PTPRD: variants seen among roughly 807,000 people sequenced by gnomAD.
PTPRD encodes receptor-type tyrosine-protein phosphatase delta.
Under a neutral mutation model 214.5 loss-of-function variants are expected in PTPRD, and 34 were observed. That is an observed-to-expected ratio of 0.16 (90% CI 0.12 to 0.21). The LOEUF is 0.21. Ranked by LOEUF, PTPRD falls within the 10% of genes least tolerant of loss-of-function variation. The probability of loss-of-function intolerance (pLI) is 1.00; values close to 1 mark genes in which losing one functional copy is unlikely to be tolerated. For missense variants in PTPRD, 2,545 were observed against 2,398.7 expected (o/e 1.06, Z -1.27); for synonymous variants, 1,128 against 845.7 (o/e 1.33, Z -5.79).
chr9:9,477,395 G>A (rs911344806), intron 8 of PTPRD, among the ~76,000 whole-genome samples: 43 of 152,238 alleles, frequency 2.8e-4, no homozygotes, highest in Admixed American at 7.2e-4. Context: ...CCATTTGAAG[G>A]TAAATTGAGG....
rs72708118 is a variant in PTPRD at position 8,950,898 on chromosome 9, G to A, written c.-104+67799C>T. On this transcript the variant is annotated intron_variant, in intron 11 of 45. Coordinates refer to ENST00000381196, the MANE Select transcript of PTPRD (RefSeq NM_002839.4). ...GATTTTATTGCCAGTTTCTGACCACGGCAAATATACTGTGCAAGGCTATTT... is the reference window on the plus strand; with the variant it reads ...GATTTTATTGCCAGTTTCTGACCACAGCAAATATACTGTGCAAGGCTATTT... Among the ~76,000 whole-genome samples, 247 of 151,826 alleles carry A rather than the reference G, an allele frequency of 1.6e-3. 1 individual carries two copies. The highest frequency in any genetic ancestry group is 3.1e-3 in the Non-Finnish European group (210 of 67,908).
chr9:9,958,942 G>C (rs77283751), intron 4 of PTPRD, among the ~76,000 whole-genome samples: 1,668 of 152,254 alleles, frequency 0.011, 31 homozygotes, highest in African/African-American at 0.038. Flanking sequence ...AAAAGGTTTG[G>C]TGGGCTTTTA....
intron 2 of PTPRD, among the ~76,000 whole-genome samples, chr9:10,521,517 G>T (rs2052276179): frequency 6.6e-6 from 1 of 152,154 alleles, no homozygotes; most frequent in Non-Finnish European, 1.5e-5. Context: ...TGAGAGGATT[G>T]TCTCCAATTT....
intron 11 of PTPRD, among the ~76,000 whole-genome samples, chr9:9,006,762 G>C (rs2099471220): frequency 6.6e-6 from 1 of 151,912 alleles, no homozygotes; most frequent in African/African-American, 2.4e-5. Context: ...ATTAATTGGA[G>C]TTCAAATGAC....
intron 3 of PTPRD, among the ~76,000 whole-genome samples, chr9:10,314,353 T>C (rs2096362765): frequency 6.6e-6 from 1 of 151,942 alleles, no homozygotes; most frequent in South Asian, 2.1e-4. Context: ...GTCACTTTTT[T>C]ACAGGTGAAG....
At chr9:9,519,598 C>A (rs1049845240) in intron 8 of PTPRD, among the ~76,000 whole-genome samples, 2 of 151,980 alleles carry the variant, frequency 1.3e-5, no homozygotes, top group Non-Finnish European at 2.9e-5. Context: ...AATAAATCAA[C>A]TCCTAGAACA....
At chr9:9,880,407 G>C (rs1270036292) in intron 5 of PTPRD, among the ~76,000 whole-genome samples, 1 of 152,102 alleles carries the variant, frequency 6.6e-6, no homozygotes, top group Non-Finnish European at 1.5e-5. Flanking sequence ...AAATGTTAAT[G>C]TACTCCTCAG....
intron 5 of PTPRD, among the ~76,000 whole-genome samples, chr9:9,936,037 G>C (rs2089230225): frequency 6.7e-6 from 1 of 149,574 alleles, no homozygotes; most frequent in Non-Finnish European, 1.5e-5. Flanking sequence ...GTAGAAAGCT[G>C]AAACTGGATC....
At chr9:9,151,705 G>A (rs1034214550) in intron 10 of PTPRD, among the ~76,000 whole-genome samples, 1 of 152,154 alleles carries the variant, frequency 6.6e-6, no homozygotes, top group African/African-American at 2.4e-5. Context: ...GATGAGACAG[G>A]TTTTGTTTTT....
intron 8 of PTPRD, among the ~76,000 whole-genome samples, chr9:9,573,451 G>C (rs1167816939): frequency 6.6e-6 from 1 of 150,736 alleles, no homozygotes; most frequent in Non-Finnish European, 1.5e-5. Context: ...TTGGTTATAT[G>C]GGTGTAATTC....
intron 5 of PTPRD, among the ~76,000 whole-genome samples, chr9:9,883,969 T>C (rs2069798333): frequency 6.6e-6 from 1 of 152,118 alleles, no homozygotes; most frequent in Non-Finnish European, 1.5e-5. Flanking sequence ...ATTTCTTCCT[T>C]TTTTTTAAAG....
At chr9:9,537,289 G>C (rs1352028805) in intron 8 of PTPRD, among the ~76,000 whole-genome samples, 1 of 151,864 alleles carries the variant, frequency 6.6e-6, no homozygotes, top group African/African-American at 2.4e-5. Context: ...CTTCTGTACA[G>C]TCATACATCT....
chr9:9,866,476 C>T (rs2063978661), intron 5 of PTPRD, among the ~76,000 whole-genome samples: 4 of 149,280 alleles, frequency 2.7e-5, no homozygotes, highest in African/African-American at 2.6e-5. Flanking sequence ...AGATAAAGCT[C>T]GTATTCTTAG....
At chr9:8,441,441 G>T (rs183776659) in intron 34 of PTPRD, among the ~76,000 whole-genome samples, 1 of 152,058 alleles carries the variant, frequency 6.6e-6, no homozygotes, top group Admixed American at 6.6e-5. Context: ...GTATCGTGTG[G>T]CATTTCCTCA....
intron 11 of PTPRD, among the ~76,000 whole-genome samples, chr9:8,771,411 T>C (rs2095203023): frequency 6.6e-6 from 1 of 152,148 alleles, no homozygotes; most frequent in Admixed American, 6.6e-5. Flanking sequence ...TTTTATTCCT[T>C]AATATATCTA....
chr9:10,113,518 C>A (rs532988178), intron 3 of PTPRD, among the ~76,000 whole-genome samples: 8 of 152,118 alleles, frequency 5.3e-5, no homozygotes, highest in Non-Finnish European at 7.3e-5. Flanking sequence ...ATAATGGATG[C>A]CATGTTTTTC....
chr9:10,136,471 A>G (rs1752910868), intron 3 of PTPRD, among the ~76,000 whole-genome samples: 1 of 152,170 alleles, frequency 6.6e-6, no homozygotes, highest in Non-Finnish European at 1.5e-5. Flanking sequence ...AAGATCAGTC[A>G]CAGGCTTAAT....
At chr9:10,483,325 A>C (rs2132281953) in intron 2 of PTPRD, among the ~76,000 whole-genome samples, 1 of 152,270 alleles carries the variant, frequency 6.6e-6, no homozygotes, top group Admixed American at 6.5e-5. Context: ...TAACACCATA[A>C]ATTCTAAATA....
intron 3 of PTPRD, among the ~76,000 whole-genome samples, chr9:10,078,377 G>A (rs2098170825): frequency 6.6e-6 from 1 of 150,522 alleles, no homozygotes; most frequent in South Asian, 2.1e-4. Flanking sequence ...TTAGCTGGGT[G>A]TGGTGGTGTG....
Sources: allele counts gnomAD v4.1 joint callset (sites outside exome capture counted in the v4.1 genomes callset), GRCh38; gene constraint gnomAD v4.1.1; transcripts MANE v1.5; gene names NCBI Gene and HGNC (gene_info 2026-07-23, HGNC 2026-07-21).